ZFPM1: variants seen among roughly 807,000 people sequenced by gnomAD.
ZFPM1 encodes the protein zinc finger protein ZFPM1.
A neutral mutation model predicts 46.3 loss-of-function variants in ZFPM1; 28 were observed. The ratio of observed to expected loss-of-function variants is 0.60; its 90% CI spans 0.45 to 0.83. The LOEUF is 0.83. Among genes scored for constraint, ZFPM1 ranks in the 40% least tolerant of loss-of-function variants. The pLI is 0.00. For missense variants in ZFPM1, 1,878 were observed against 1,432.4 expected (o/e 1.31, Z -5.02); for synonymous variants, 957 against 675.9 (o/e 1.42, Z -6.45).
At chr16:88,521,630 ATTCCCTCCCCCGTGCTG>A (rs1466097611) in intron 4 of ZFPM1, among the ~76,000 whole-genome samples, 10 of 39,878 alleles carry the variant, frequency 2.5e-4, no homozygotes, top group African/African-American at 9.1e-4. Context: ...AACCCGTGCT[ATTCCCTCCCCCGTGCTG>A]TTCCCTCCCC....
At chr16:88,514,589 G>A in intron 4 of ZFPM1, 69 bp downstream of exon 4, 1 of 1,475,244 alleles carries the variant, frequency 6.8e-7, no homozygotes, top group Non-Finnish European at 9.0e-7. Context: ...CAGGGGACAG[G>A]CCCAGCTTAG....
At chr16:88,472,702 T>G (rs946659099) in intron 1 of ZFPM1, among the ~76,000 whole-genome samples, 1 of 152,250 alleles carries the variant, frequency 6.6e-6, no homozygotes, top group Non-Finnish European at 1.5e-5. Context: ...TTTACCATAT[T>G]AACCCTTTCC....
chr16:88,489,516 G>C (rs553909570), intron 3 of ZFPM1, among the ~76,000 whole-genome samples: 7 of 152,208 alleles, frequency 4.6e-5, no homozygotes, highest in Non-Finnish European at 1.0e-4. Context: ...GCCCGGGCCC[G>C]TGGCCTTCCC....
chr16:88,502,776 A>C (rs1362775313), intron 3 of ZFPM1, among the ~76,000 whole-genome samples: 1 of 152,238 alleles, frequency 6.6e-6, no homozygotes, highest in Non-Finnish European at 1.5e-5. Flanking sequence ...CATGTCAAAG[A>C]TGGCAAGCCA....
At position 88,536,110 on chromosome 16, in the gene ZFPM1, C is replaced by G. The variant is rs938290864; in HGVS notation, c.*1131C>G. ...AGCTGGGGCTACAGGTGTACACCAC[C>G]ATGCCCAGCTAGTTTTTGTGTTTTT... On this transcript the variant is annotated 3_prime_UTR_variant, in exon 10 of 10. Transcript: ENST00000319555. The G allele has an allele frequency of 6.6e-6, 1 of 152,186 alleles. No homozygotes were observed. Among genetic ancestry groups the G allele is most frequent in the Non-Finnish European group, 1.5e-5 (1 of 68,034 alleles). 9.4% of individuals were successfully genotyped at this position (152,186 alleles called of 1,614,324 possible). A position where few individuals can be genotyped will look rare whatever the true frequency, so the allele number is the denominator to read the frequency against.
chr16:88,500,698 G>A (rs967826802), intron 3 of ZFPM1, among the ~76,000 whole-genome samples: 1 of 152,220 alleles, frequency 6.6e-6, no homozygotes, highest in Non-Finnish European at 1.5e-5. Context: ...CAGACCTGGG[G>A]CCTGTTGTGC....
At chr16:88,524,141 C>G (rs528010615) in intron 4 of ZFPM1, among the ~76,000 whole-genome samples, 4 of 152,320 alleles carry the variant, frequency 2.6e-5, no homozygotes, top group Admixed American at 2.0e-4. Context: ...CAGCACCCAT[C>G]GGAGGATCAA....
chr16:88,521,355 C>T (rs565875800), intron 4 of ZFPM1, among the ~76,000 whole-genome samples: 2 of 151,966 alleles, frequency 1.3e-5, no homozygotes, highest in South Asian at 4.1e-4. Flanking sequence ...TGACCCCTGA[C>T]GCCAGGCTCT....
At chr16:88,461,458 G>T (rs528473172) in intron 1 of ZFPM1, among the ~76,000 whole-genome samples, 1 of 152,308 alleles carries the variant, frequency 6.6e-6, no homozygotes, top group Non-Finnish European at 1.5e-5. Flanking sequence ...GCAACCTCAC[G>T]TCCTGGCCTG....
chr16:88,487,349 A>T (rs932539708), intron 2 of ZFPM1, among the ~76,000 whole-genome samples: 1 of 152,154 alleles, frequency 6.6e-6, no homozygotes, highest in Non-Finnish European at 1.5e-5. Context: ...CCCTTTGCAC[A>T]CAGACTGTGA....
chr16:88,455,849 C>T (rs1907532748), intron 1 of ZFPM1, among the ~76,000 whole-genome samples: 1 of 152,156 alleles, frequency 6.6e-6, no homozygotes, highest in South Asian at 2.1e-4. Context: ...GCCGGGCTGC[C>T]GACGGGGAGC....
At chr16:88,473,545 C>T (rs904098792) in intron 1 of ZFPM1, among the ~76,000 whole-genome samples, 2 of 152,114 alleles carry the variant, frequency 1.3e-5, no homozygotes, top group African/African-American at 4.8e-5. Context: ...CCACTTCTCC[C>T]ATGGCCGGGC....
intron 4 of ZFPM1, among the ~76,000 whole-genome samples, chr16:88,514,826 G>A (rs565878865): frequency 6.6e-6 from 1 of 152,338 alleles, no homozygotes; most frequent in East Asian, 1.9e-4. Flanking sequence ...CAAGGGGAGG[G>A]AGGAACAAAC....
chr16:88,518,798 G>A (rs1911552509), intron 4 of ZFPM1, among the ~76,000 whole-genome samples: 1 of 146,008 alleles, frequency 6.8e-6, no homozygotes, highest in South Asian at 2.3e-4. Flanking sequence ...GTGGATGCAT[G>A]GGTGGGTGGA....
At position 88,515,991 on chromosome 16, in the gene ZFPM1, A is replaced by G. The variant is rs192387119; in HGVS notation, c.402+1471A>G. 26 of 396,882 alleles carry G rather than the reference A, an allele frequency of 6.6e-5. No individual in the cohort carries two copies. In the East Asian group the frequency reaches 8.9e-4, roughly 14 times the overall value. The allele number at this position is 396,882 out of a possible 1,614,324, so 24.6% of individuals were successfully genotyped here. ...TCAAGAAAACCCATAGGTAGAGACC[A>G]AGGGCAAAGACCGTAGGGGCTGAGA... On this transcript the variant is annotated intron_variant, in intron 4 of 9. Transcript: ENST00000319555.
At chr16:88,522,594 G>A (rs557548621) in intron 4 of ZFPM1, among the ~76,000 whole-genome samples, 1 of 152,258 alleles carries the variant, frequency 6.6e-6, no homozygotes, top group Non-Finnish European at 1.5e-5. Context: ...GCACAGATAG[G>A]GTTTCCGATG....
At chr16:88,498,332 G>A (rs1466430847) in intron 3 of ZFPM1, among the ~76,000 whole-genome samples, 1 of 152,236 alleles carries the variant, frequency 6.6e-6, no homozygotes, top group Middle Eastern at 3.2e-3. Context: ...AGCACTTTGG[G>A]GCCAGGCGCA....
At chr16:88,490,405 G>T (rs1909496460) in intron 3 of ZFPM1, among the ~76,000 whole-genome samples, 1 of 152,250 alleles carries the variant, frequency 6.6e-6, no homozygotes, top group Admixed American at 6.5e-5. Context: ...GGGAGCAGAT[G>T]GCCGATGCAG....
In ZFPM1 at chr16:88,532,187, A is replaced by G. The variant is rs372953091; in HGVS notation, c.898A>G (p.Ser300Gly). The G allele has an allele frequency of 3.2e-5, 52 of 1,610,722 alleles. No homozygotes were observed. The African/African-American group carries it at 6.4e-4, about 20-fold the overall frequency. The change falls in exon 7 of 10, where the codon AGC becomes GGC. Residue 300 changes from serine (S) to glycine (G), a missense_variant. Coordinates refer to ENST00000319555, the MANE Select transcript of ZFPM1 (RefSeq NM_153813.3). Reference sequence around the variant, plus strand: ...CTGCCCCTTCCCCCAGTGCCGCAAGAGCTGCCCCAGCGCCAGCTCCCTGGA... The same window carrying G: ...CTGCCCCTTCCCCCAGTGCCGCAAGGGCTGCCCCAGCGCCAGCTCCCTGGA... ...RVCPFPQCRKSCPSASSLEIH... is the reference protein window; with the variant it reads ...RVCPFPQCRKGCPSASSLEIH...
Sources: allele counts gnomAD v4.1 joint callset (sites outside exome capture counted in the v4.1 genomes callset), GRCh38; gene constraint gnomAD v4.1.1; transcripts MANE v1.5; gene names NCBI Gene and HGNC (gene_info 2026-07-23, HGNC 2026-07-21).